AIM2: variants seen among roughly 807,000 people sequenced by gnomAD.
AIM2 encodes the protein absent in melanoma 2.
A neutral mutation model predicts 27.7 loss-of-function variants in AIM2; 30 were observed. That is an observed-to-expected ratio of 1.08 (90% CI 0.81 to 1.47). The LOEUF is 1.47. Among genes scored for constraint, AIM2 ranks in the 40% most tolerant of loss-of-function variants. AIM2 has a pLI of 0.00. For missense variants in AIM2, 358 were observed against 411.3 expected (o/e 0.87, Z 1.12); for synonymous variants, 141 against 145.3 (o/e 0.97, Z 0.21).
intron 1 of AIM2, among the ~76,000 whole-genome samples, chr1:159,092,032 G>A (rs1657057703): frequency 6.6e-6 from 1 of 152,162 alleles, no homozygotes; most frequent in African/African-American, 2.4e-5. Flanking sequence ...AAACAATTAA[G>A]TGAAATCCTT....
At chr1:159,117,350 G>T (rs1021280926) in intron 1 of AIM2, among the ~76,000 whole-genome samples, 1 of 152,094 alleles carries the variant, frequency 6.6e-6, no homozygotes, top group Non-Finnish European at 1.5e-5. Context: ...CTGGAGAAAA[G>T]GTATAGTTAA....
chr1:159,060,947 A>C (rs936872784), downstream of AIM2, among the ~76,000 whole-genome samples: 1 of 152,222 alleles, frequency 6.6e-6, no homozygotes, highest in African/African-American at 2.4e-5. Context: ...GCATATGTTT[A>C]AATTTATAAG....
At chr1:159,127,087 C>A (rs1451013931) in intron 1 of AIM2, among the ~76,000 whole-genome samples, 1 of 152,064 alleles carries the variant, frequency 6.6e-6, no homozygotes, top group Non-Finnish European at 1.5e-5. Context: ...TATAAACAAG[C>A]CAGGGGATGA....
intron 1 of AIM2, among the ~76,000 whole-genome samples, chr1:159,107,667 T>C (rs1338891856): frequency 6.6e-6 from 1 of 152,070 alleles, no homozygotes; most frequent in African/African-American, 2.4e-5. Context: ...ATTAGCAAGA[T>C]TAACCAAGGA....
intron 1 of AIM2, among the ~76,000 whole-genome samples, chr1:159,116,716 G>A (rs543989973): frequency 2.5e-3 from 383 of 152,068 alleles, no homozygotes; most frequent in Non-Finnish European, 4.7e-3. Context: ...ATAGCATTTG[G>A]AGATATACCT....
downstream of AIM2, among the ~76,000 whole-genome samples, chr1:159,058,203 G>C (rs1655718065): frequency 6.6e-6 from 1 of 152,108 alleles, no homozygotes; most frequent in South Asian, 2.1e-4. Flanking sequence ...ACAAACATTA[G>C]CCAGGCGTGG....
At chr1:159,098,388 T>A (rs923114973) in intron 1 of AIM2, among the ~76,000 whole-genome samples, 1 of 151,850 alleles carries the variant, frequency 6.6e-6, no homozygotes, top group Non-Finnish European at 1.5e-5. Flanking sequence ...CGTATATGAC[T>A]ATTTCAGCTC....
intron 2 of AIM2, among the ~76,000 whole-genome samples, chr1:159,070,432 A>G (rs1476476897): frequency 6.6e-6 from 1 of 152,166 alleles, no homozygotes; most frequent in Non-Finnish European, 1.5e-5. Flanking sequence ...CTCCACGTCT[A>G]TGGTCAGGTT....
intron 4 of AIM2, 77 bp downstream of exon 4, chr1:159,065,833 T>C (rs916413161): frequency 2.1e-6 from 3 of 1,444,976 alleles, no homozygotes; most frequent in Admixed American, 2.4e-5. Flanking sequence ...TTAAAACCAT[T>C]TCCAAAGTTT....
intron 2 of AIM2, among the ~76,000 whole-genome samples, chr1:159,071,841 C>T (rs1222203300): frequency 6.6e-6 from 1 of 152,174 alleles, no homozygotes; most frequent in East Asian, 1.9e-4. Flanking sequence ...ACAACTGTTA[C>T]ATTTGGAGAC....
chr1:159,090,664 G>A (rs960270368), intron 1 of AIM2, among the ~76,000 whole-genome samples: 3 of 152,148 alleles, frequency 2.0e-5, no homozygotes, highest in African/African-American at 7.2e-5. Flanking sequence ...TTGTGTTTGG[G>A]AGGTTATTCA....
chr1:159,058,585 C>A (rs1655728486), downstream of AIM2, among the ~76,000 whole-genome samples: 1 of 151,956 alleles, frequency 6.6e-6, no homozygotes, highest in Non-Finnish European at 1.5e-5. Flanking sequence ...CTGGAAGCGA[C>A]AACGGGGGTG....
downstream of AIM2, among the ~76,000 whole-genome samples, chr1:159,059,404 A>T (rs1655760731): frequency 6.6e-6 from 1 of 152,168 alleles, no homozygotes; most frequent in Non-Finnish European, 1.5e-5. Context: ...CTCATCTTTG[A>T]GAATACTGAA....
chr1:159,085,380 G>A (rs1437676727), intron 1 of AIM2, among the ~76,000 whole-genome samples: 1 of 152,172 alleles, frequency 6.6e-6, no homozygotes, highest in Non-Finnish European at 1.5e-5. Context: ...AGAGAGATAA[G>A]GATTCCAGAA....
At chr1:159,104,224 C>T (rs1657377786) in intron 1 of AIM2, among the ~76,000 whole-genome samples, 1 of 152,004 alleles carries the variant, frequency 6.6e-6, no homozygotes, top group African/African-American at 2.4e-5. Flanking sequence ...GGGGGCAGAG[C>T]CACGGTGACA....
At chr1:159,114,269 A>C (rs1647270280) in intron 1 of AIM2, among the ~76,000 whole-genome samples, 2 of 152,212 alleles carry the variant, frequency 1.3e-5, no homozygotes, top group Admixed American at 6.5e-5. Context: ...GGGAAAACAC[A>C]TGAGTACAAA....
intron 1 of AIM2, among the ~76,000 whole-genome samples, chr1:159,082,637 T>C (rs1180823154): frequency 6.6e-6 from 1 of 152,146 alleles, no homozygotes; most frequent in Admixed American, 6.6e-5. Flanking sequence ...GAGATGAAAG[T>C]GCTCCCTGGG....
chr1:159,123,257 A>C (rs1570978082), intron 1 of AIM2, among the ~76,000 whole-genome samples: 1 of 152,250 alleles, frequency 6.6e-6, no homozygotes, highest in Non-Finnish European at 1.5e-5. Context: ...GAGAAAACTG[A>C]GACTTGGATA....
the AIM2 span, among the ~76,000 whole-genome samples, chr1:159,057,367 C>T: frequency 1.3e-5 from 2 of 152,192 alleles, no homozygotes; most frequent in African/African-American, 4.8e-5. Flanking sequence ...CCTCCTCCAA[C>T]AAGGAAGAGA....
Sources: gnomAD v4.1 joint callset for allele counts (sites outside exome capture counted in the v4.1 genomes callset) on GRCh38, gnomAD v4.1.1 for gene constraint, MANE v1.5 for transcripts, NCBI Gene and HGNC (gene_info 2026-07-23, HGNC 2026-07-21) for gene names.